Variants in ANKRD17 observed in about 807,000 individuals in gnomAD.
ANKRD17 encodes ankyrin repeat domain-containing protein 17.
In ANKRD17, 19 loss-of-function variants were observed where a neutral mutation model predicts 229.7. The ratio of observed to expected loss-of-function variants is 0.08; its 90% CI spans 0.06 to 0.12. ANKRD17 has a LOEUF of 0.12. Ranked by LOEUF, ANKRD17 falls within the 10% of genes least tolerant of loss-of-function variation. The pLI is 1.00. For synonymous variants in ANKRD17, 1,112 were observed against 1,146.1 expected (o/e 0.97, Z 0.60); for missense variants, 2,176 against 3,176.8 (o/e 0.68, Z 7.57).
intron 23 of ANKRD17, among the ~76,000 whole-genome samples, chr4:73,114,569 C>A (rs1254787525): frequency 6.6e-6 from 1 of 152,124 alleles, no homozygotes; most frequent in Non-Finnish European, 1.5e-5. Flanking sequence ...AAGCAATCCT[C>A]TCACCTCAGC....
At chr4:73,094,304 T>C in intron 27 of ANKRD17, 76 bp from the exon 28 acceptor site, 1 of 1,314,640 alleles carries the variant, frequency 7.6e-7, no homozygotes, top group Non-Finnish European at 1.1e-6. Flanking sequence ...GAGGAAAGAG[T>C]ATTACTAAAA....
chr4:73,154,569 A>C (rs1375487093), intron 5 of ANKRD17, among the ~76,000 whole-genome samples: 1 of 152,146 alleles, frequency 6.6e-6, no homozygotes, highest in African/African-American at 2.4e-5. Context: ...TTTTCATTAC[A>C]ACTTCAAATA....
chr4:73,154,337 G>A (rs1731363950), intron 5 of ANKRD17, among the ~76,000 whole-genome samples: 1 of 151,814 alleles, frequency 6.6e-6, no homozygotes, highest in Non-Finnish European at 1.5e-5. Context: ...TAAAACCAAA[G>A]TCAAATACAT....
chr4:73,225,123 T>C (rs779338764), intron 1 of ANKRD17, among the ~76,000 whole-genome samples: 2 of 152,212 alleles, frequency 1.3e-5, no homozygotes, highest in Non-Finnish European at 2.9e-5. Context: ...AAACAGAAAC[T>C]ACAAACTGGC....
intron 1 of ANKRD17, among the ~76,000 whole-genome samples, chr4:73,184,632 A>T (rs968633833): frequency 1.4e-4 from 22 of 152,110 alleles, no homozygotes; most frequent in Admixed American, 4.6e-4. Flanking sequence ...CAAATTACAT[A>T]CTAAGTGCAA....
intron 1 of ANKRD17, among the ~76,000 whole-genome samples, chr4:73,206,892 G>A (rs886781166): frequency 7.9e-5 from 12 of 151,968 alleles, no homozygotes; most frequent in Admixed American, 2.0e-4. Flanking sequence ...GCGTGATCTC[G>A]GCTGACTGCA....
At chr4:73,104,159 A>T (rs1198890411) in intron 24 of ANKRD17, 3 of 152,240 alleles carry the variant, frequency 2.0e-5, no homozygotes, top group Admixed American at 2.0e-4. Flanking sequence ...GTAACCCTGG[A>T]AATTTCTGCT....
intron 1 of ANKRD17, among the ~76,000 whole-genome samples, chr4:73,212,795 C>T (rs1372873662): frequency 6.6e-6 from 1 of 151,484 alleles, no homozygotes; most frequent in Non-Finnish European, 1.5e-5. Flanking sequence ...GCACGGGGAT[C>T]ACCTAAGATC....
At chr4:73,249,954 C>A (rs891599205) in intron 1 of ANKRD17, among the ~76,000 whole-genome samples, 1 of 152,180 alleles carries the variant, frequency 6.6e-6, no homozygotes, top group Admixed American at 6.5e-5. Flanking sequence ...TCTAGCCCTA[C>A]CATCATTTTT....
chr4:73,118,572 T>C, intron 22 of ANKRD17, 116 bp downstream of exon 22: 1 of 1,136,860 alleles, frequency 8.8e-7, no homozygotes, highest in Non-Finnish European at 1.3e-6. Context: ...ATTTGCATAT[T>C]ATTGCTTTCA....
Position 73,127,435 on chromosome 4 carries a change from GACT to G in ANKRD17, c.3235-2126_3235-2124del, listed in dbSNP as rs1418864887. ...TGTTTCTTTTCACATTTTTTAATGC[GACT>G]ACTAGAGAATTTAAAATTACAATCT... On this transcript the variant is annotated intron_variant, in intron 16 of 33. Transcript: ENST00000358602. 2.5e-4 allele frequency among the ~76,000 whole-genome samples: 38 copies of G among 151,320 alleles called. No homozygotes were observed. In the East Asian group the frequency reaches 7.4e-3, roughly 29 times the overall value.
chr4:73,091,315 G>A lies in ANKRD17; in HGVS notation c.6313C>T (p.His2105Tyr), dbSNP rs1722775235. Residue 2105 changes from histidine to tyrosine, a missense_variant, in exon 29 of 34, where the codon CAT becomes TAT. Coordinates refer to ENST00000358602, the MANE Select transcript of ANKRD17 (RefSeq NM_032217.5). ...CCCGGAGGTTGTTGCTGATTAGAAT[G>A]AGCTGATGAACTCCCAGAAGAACTG... is the stretch of plus-strand genomic sequence containing the variant. ...SSSSSGSSSA[H>Y]SNQQQPPGSV... 1 of 1,614,050 alleles carries A rather than the reference G, an allele frequency of 6.2e-7. No homozygotes were observed. Among genetic ancestry groups the A allele is most frequent in the Non-Finnish European group, 8.5e-7 (1 of 1,180,058 alleles).
rs1720886639 is a variant in ANKRD17, at chr4:73,074,539, T to C, written c.*1692A>G. ...CAAATTTATATATTTTAAGACCACT[T>C]CTTAAACTAAAAGATATGAGTGTAC... On this transcript the variant is annotated 3_prime_UTR_variant, in exon 34 of 34. Coordinates refer to ENST00000358602, the MANE Select transcript of ANKRD17 (RefSeq NM_032217.5). 1 of 151,942 alleles carries C rather than the reference T, an allele frequency of 6.6e-6. No homozygotes were observed. 9.4% of individuals were successfully genotyped at this position (151,942 alleles called of 1,614,324 possible).
intron 1 of ANKRD17, among the ~76,000 whole-genome samples, chr4:73,253,935 AG>A (rs1463904746): frequency 2.0e-5 from 3 of 152,232 alleles, no homozygotes; most frequent in Admixed American, 1.3e-4. Flanking sequence ...CCTAAGTACT[AG>A]TTATTCACTA....
intron 1 of ANKRD17, among the ~76,000 whole-genome samples, chr4:73,182,347 T>C (rs1482824731): frequency 1.3e-5 from 2 of 152,064 alleles, no homozygotes; most frequent in Non-Finnish European, 1.5e-5. Context: ...GGCGTAGAAA[T>C]CACCAGGTTC....
intron 1 of ANKRD17, among the ~76,000 whole-genome samples, chr4:73,233,264 A>T (rs1217556417): frequency 6.6e-6 from 1 of 152,086 alleles, no homozygotes; most frequent in Non-Finnish European, 1.5e-5. Flanking sequence ...CTGTCCACCG[A>T]AAAAACGAGC....
chr4:73,158,188 G>GAAAGAAAGAAAGAAAGAAAGAAAGA (rs779505092), intron 3 of ANKRD17, among the ~76,000 whole-genome samples: 1 of 43,468 alleles, frequency 2.3e-5, no homozygotes, highest in Non-Finnish European at 5.9e-5. Context: ...AAGAAAGAAA[G>GAAAGAAAGAAAGAAAGAAAGAAAGA]AGAGAGAAAG....
chr4:73,144,338 T>TTTATA (rs1322034628), intron 11 of ANKRD17, among the ~76,000 whole-genome samples: 2 of 152,216 alleles, frequency 1.3e-5, no homozygotes, highest in African/African-American at 4.8e-5. Context: ...CTCCCTGTAT[T>TTTATA]TTATAAAAAA....
chr4:73,098,754 G>T (rs1723595027), intron 25 of ANKRD17: 2 of 1,028,184 alleles, frequency 1.9e-6, no homozygotes, highest in East Asian at 2.6e-5. Flanking sequence ...GGCATTTCTG[G>T]TGCTGGCGTG....
Sources: allele counts gnomAD v4.1 joint callset (sites outside exome capture counted in the v4.1 genomes callset), GRCh38; gene constraint gnomAD v4.1.1; transcripts MANE v1.5; gene names NCBI Gene and HGNC (gene_info 2026-07-23, HGNC 2026-07-21).